ATP10B: variants seen among roughly 807,000 people sequenced by gnomAD.
ATP10B encodes ATPase phospholipid transporting 10B (putative), also known as phospholipid-transporting ATPase VB.
Under a neutral mutation model 141.2 loss-of-function variants are expected in ATP10B, and 122 were observed. The observed-to-expected ratio is 0.86, with a 90% CI of 0.75 to 1.00. ATP10B has a LOEUF of 1.00. Among genes scored for constraint, ATP10B ranks in the 50% least tolerant of loss-of-function variants. The probability of loss-of-function intolerance (pLI) is 0.00; values close to 1 mark genes in which losing one functional copy is unlikely to be tolerated. For missense variants in ATP10B, 1,876 were observed against 1,825.3 expected (o/e 1.03, Z -0.51); for synonymous variants, 685 against 692.0 (o/e 0.99, Z 0.16).
intron 1 of ATP10B, among the ~76,000 whole-genome samples, chr5:160,813,778 G>A (rs1158777464): frequency 6.6e-6 from 1 of 152,210 alleles, no homozygotes; most frequent in African/African-American, 2.4e-5. Flanking sequence ...ACTCCTCTGA[G>A]ACAAAACTTC....
chr5:160,921,164 G>C, the ATP10B span, among the ~76,000 whole-genome samples: 1 of 151,844 alleles, frequency 6.6e-6, no homozygotes, highest in South Asian at 2.1e-4. Flanking sequence ...TCCTCTACAG[G>C]ATCAAATATT....
chr5:160,922,715 C>G, the ATP10B span, among the ~76,000 whole-genome samples: 5 of 152,236 alleles, frequency 3.3e-5, no homozygotes, highest in Non-Finnish European at 5.9e-5. Context: ...AGCTGACATA[C>G]TGATTCAGTG....
chr5:160,652,723 A>C (rs1206680423), intron 7 of ATP10B, among the ~76,000 whole-genome samples: 1 of 121,952 alleles, frequency 8.2e-6, no homozygotes, highest in Non-Finnish European at 1.6e-5. Context: ...ATTTATATAT[A>C]ATATATACAT....
Position 160,618,915 on chromosome 5 carries a change from T to A in ATP10B, c.2417-942A>T, listed in dbSNP as rs10058661. On this transcript the variant is annotated intron_variant, in intron 15 of 25. Coordinates refer to ENST00000327245, the MANE Select transcript of ATP10B (RefSeq NM_025153.3). ...AGAATTTGTATACCTCACCCATCCT[T>A]GTATATAATGCAAAATTAAAAATGT... Among the ~76,000 whole-genome samples, 928 of 152,288 alleles carry A rather than the reference T, an allele frequency of 6.1e-3. 9 individuals carry two copies. The highest frequency in any genetic ancestry group is 0.021 in the African/African-American group (876 of 41,554).
At chr5:160,700,652 C>T (rs1764615456) in intron 3 of ATP10B, among the ~76,000 whole-genome samples, 1 of 152,088 alleles carries the variant, frequency 6.6e-6, no homozygotes, top group Admixed American at 6.5e-5. Context: ...TCTCACACTT[C>T]CAAAAAATAG....
chr5:160,697,606 T>C lies in ATP10B; in HGVS notation c.-204-8663A>G, dbSNP rs372763413. On this transcript the variant is annotated intron_variant, in intron 3 of 25. Transcript: ENST00000327245. Reference sequence around the variant, plus strand: ...AAGAAGAAATGTATGCAGGGTGGGGTGGGGTGGGGATTGTTGTCTTTGGTT... The same window carrying C: ...AAGAAGAAATGTATGCAGGGTGGGGCGGGGTGGGGATTGTTGTCTTTGGTT... Among the ~76,000 whole-genome samples the C allele has an allele frequency of 4.2e-3, 368 of 86,898 alleles. 2 individuals are homozygous for C. The highest frequency in any genetic ancestry group is 0.016 in the African/African-American group (358 of 22,698). 57.0% of individuals were successfully genotyped at this position (86,898 alleles called of 152,430 possible).
upstream of ATP10B, among the ~76,000 whole-genome samples, chr5:160,853,646 T>C (rs1221631149): frequency 6.6e-6 from 1 of 152,152 alleles, no homozygotes; most frequent in Non-Finnish European, 1.5e-5. Flanking sequence ...AACCAATGAA[T>C]AGAGAGTCCT....
the ATP10B span, among the ~76,000 whole-genome samples, chr5:160,868,218 G>A: frequency 3.3e-5 from 5 of 152,124 alleles, no homozygotes; most frequent in Non-Finnish European, 7.3e-5. Context: ...GCACAAAAGA[G>A]TCAATGCCTT....
chr5:160,885,272 C>A, the ATP10B span, among the ~76,000 whole-genome samples: 3 of 152,314 alleles, frequency 2.0e-5, no homozygotes, highest in East Asian at 1.9e-4. Context: ...ATAAGGGAAG[C>A]GGATGCAAGG....
rs754038010 is a variant in ATP10B at position 160,687,867 on chromosome 5, T to A, written c.208A>T (p.Arg70Ter). The change falls in exon 5 of 26, where the codon AGA (arginine) becomes TGA (stop). Residue 70 changes from arginine (R) to a stop codon, truncating the protein, a stop_gained. Coordinates refer to ENST00000327245, the MANE Select transcript of ATP10B (RefSeq NM_025153.3). LOFTEE classifies it high-confidence loss of function. Reference protein sequence around the residue: ...EEVSRRYPGNRTCTTKYTLFT... With the variant: ...EEVSRRYPGN ...AGGGTGTATTTGGTTGTGCAGGTTC[T>A]GTTGCCAGGGTATCTCCTGGAGACC... The A allele has an allele frequency of 6.2e-6, 10 of 1,614,084 alleles. No individual in the cohort carries two copies. In the Admixed American group the frequency reaches 1.7e-4, roughly 27 times the overall value.
chr5:160,728,100 C>CA (rs1554108708), intron 2 of ATP10B, among the ~76,000 whole-genome samples: 13 of 145,762 alleles, frequency 8.9e-5, no homozygotes, highest in African/African-American at 3.0e-4. Context: ...TCTTCCTTTA[C>CA]TTTTTTTTTC....
upstream of ATP10B, among the ~76,000 whole-genome samples, chr5:160,856,653 T>C (rs528841480): frequency 2.0e-5 from 3 of 151,906 alleles, no homozygotes; most frequent in African/African-American, 7.2e-5. Flanking sequence ...ATGTAGATGA[T>C]TTGAGTTGTA....
the ATP10B span, among the ~76,000 whole-genome samples, chr5:160,915,108 C>A: frequency 6.6e-6 from 1 of 152,188 alleles, no homozygotes; most frequent in Non-Finnish European, 1.5e-5. Context: ...TCACAAGTAA[C>A]TCCCTCCTTG....
At chr5:160,859,391 T>C in the ATP10B span, among the ~76,000 whole-genome samples, 1 of 151,966 alleles carries the variant, frequency 6.6e-6, no homozygotes, top group Admixed American at 6.6e-5. Context: ...TTTTTTTCTT[T>C]GTCTTTGCCT....
At chr5:160,587,867 CCTG>C (rs1480472090) in intron 24 of ATP10B, among the ~76,000 whole-genome samples, 1 of 152,140 alleles carries the variant, frequency 6.6e-6, no homozygotes, top group East Asian at 1.9e-4. Flanking sequence ...GAGATGGAGT[CCTG>C]CTCCATAGCC....
At chr5:160,668,933 T>A (rs375577981) in intron 7 of ATP10B, among the ~76,000 whole-genome samples, 7 of 152,178 alleles carry the variant, frequency 4.6e-5, no homozygotes, top group Non-Finnish European at 1.0e-4. Flanking sequence ...CAAGGTACAA[T>A]GACCCTTGCT....
At chr5:160,904,389 G>A in the ATP10B span, among the ~76,000 whole-genome samples, 1 of 152,122 alleles carries the variant, frequency 6.6e-6, no homozygotes, top group East Asian at 1.9e-4. Context: ...TTTGGGTCTT[G>A]ACAATCTGCA....
chr5:160,812,194 C>A (rs574843132), intron 1 of ATP10B, among the ~76,000 whole-genome samples: 40 of 152,304 alleles, frequency 2.6e-4, no homozygotes, highest in African/African-American at 9.1e-4. Context: ...TCTGTAAGAA[C>A]CACAGTGTTA....
intron 7 of ATP10B, among the ~76,000 whole-genome samples, chr5:160,653,069 T>C (rs1048732565): frequency 1.7e-5 from 2 of 119,466 alleles, no homozygotes; most frequent in African/African-American, 6.2e-5. Context: ...TATATTTATG[T>C]ATATATAGTG....
Sources: gnomAD v4.1 joint callset for allele counts (sites outside exome capture counted in the v4.1 genomes callset) on GRCh38, gnomAD v4.1.1 for gene constraint, MANE v1.5 for transcripts, NCBI Gene and HGNC (gene_info 2026-07-23, HGNC 2026-07-21) for gene names.